RHEB: variants seen among roughly 807,000 people sequenced by gnomAD.
RHEB encodes the protein Ras homolog, mTORC1 binding.
Under a neutral mutation model 28.8 loss-of-function variants are expected in RHEB, and 2 were observed. The observed-to-expected ratio is 0.07, with a 90% CI of 0.03 to 0.22. The LOEUF is 0.22. Among genes scored for constraint, RHEB ranks in the 10% least tolerant of loss-of-function variants. The pLI is 1.00. For synonymous variants in RHEB, 69 were observed against 77.3 expected, an observed-to-expected ratio of 0.89 and a Z score of 0.56; for missense variants, 76 against 219.9, an observed-to-expected ratio of 0.35 and a Z score of 4.14.
rs1481454035 is a variant in RHEB, at chr7:151,519,720, C to G, written c.-209G>C. The G allele has an allele frequency of 2.8e-6, 1 of 358,876 alleles. No homozygotes were observed. The highest frequency in any genetic ancestry group is 5.0e-6 in the Non-Finnish European group (1 of 201,890). The allele number at this position is 358,876 out of a possible 1,614,324, so 22.2% of individuals were successfully genotyped here. ...GCGCCCCTCCCCCCCACAACACGCC[C>G]ACGTGACCGGCCGGCGTCAGCACCG... is the stretch of plus-strand genomic sequence containing the variant. On this transcript the variant is annotated 5_prime_UTR_variant, in exon 1 of 8. Transcript: ENST00000262187.
intron 1 of RHEB, chr7:151,517,924 G>A (rs1405138497): frequency 1.3e-5 from 2 of 152,192 alleles, no homozygotes; most frequent in Non-Finnish European, 2.9e-5. Context: ...CCAAGAGCCA[G>A]AACACCTCGC....
intron 2 of RHEB, among the ~76,000 whole-genome samples, chr7:151,488,284 C>T (rs1455553551): frequency 2.0e-5 from 3 of 152,226 alleles, no homozygotes; most frequent in East Asian, 1.9e-4. Flanking sequence ...TATTCTCCTA[C>T]ACCCCTACTG....
rs897482177 is a variant in RHEB, at chr7:151,472,805, C to T, written c.276-1200G>A. 1.0e-3 allele frequency among the ~76,000 whole-genome samples: 155 copies of T among 152,304 alleles called. 1 individual carries two copies. Among genetic ancestry groups the T allele is most frequent in the Non-Finnish European group, 4.4e-5 (3 of 68,032 alleles). On this transcript the variant is annotated intron_variant, in intron 4 of 7. Transcript: ENST00000262187. The surrounding 1 kb of genome is among the most constrained non-coding windows in gnomAD (Gnocchi z 5.2). ...GAATTACACACTGTGCTATTTTAAACGATGTGTGCTGTCATTTGATAAAAA... is the reference window on the plus strand; with the variant it reads ...GAATTACACACTGTGCTATTTTAAATGATGTGTGCTGTCATTTGATAAAAA...
chr7:151,482,276 G>A (rs890730100), intron 3 of RHEB, among the ~76,000 whole-genome samples: 4 of 152,132 alleles, frequency 2.6e-5, no homozygotes, highest in Non-Finnish European at 4.4e-5. Flanking sequence ...ATGGGATCTC[G>A]CTGTGTTGCC....
At chr7:151,501,684 G>A (rs747294302) in intron 1 of RHEB, among the ~76,000 whole-genome samples, 1 of 152,212 alleles carries the variant, frequency 6.6e-6, no homozygotes, top group Non-Finnish European at 1.5e-5. Context: ...GCCCCAAAGT[G>A]GAAACAAACC....
At chr7:151,473,982 G>A (rs999858604) in intron 4 of RHEB, among the ~76,000 whole-genome samples, 3 of 152,092 alleles carry the variant, frequency 2.0e-5, no homozygotes, top group South Asian at 2.1e-4. Flanking sequence ...CATCTCACTC[G>A]GAAGAAACCG....
At chr7:151,515,246 A>G (rs1458743813) in intron 1 of RHEB, among the ~76,000 whole-genome samples, 1 of 152,200 alleles carries the variant, frequency 6.6e-6, no homozygotes, top group Non-Finnish European at 1.5e-5. Flanking sequence ...CAGCCCCAGA[A>G]GACCACATAT....
At chr7:151,484,611 G>A in intron 3 of RHEB, 126 bp downstream of exon 3, 1 of 665,540 alleles carries the variant, frequency 1.5e-6, no homozygotes, top group South Asian at 1.9e-5. Flanking sequence ...ACCATTGGGA[G>A]TCAGGGACTG....
At chr7:151,507,848 G>A (rs951505886) in intron 1 of RHEB, among the ~76,000 whole-genome samples, 4 of 151,952 alleles carry the variant, frequency 2.6e-5, no homozygotes, top group African/African-American at 7.3e-5. Context: ...TAAGAAATAC[G>A]TTTAATTATA....
intron 2 of RHEB, among the ~76,000 whole-genome samples, chr7:151,490,727 G>T (rs1292903131): frequency 1.3e-5 from 2 of 152,200 alleles, no homozygotes; most frequent in Admixed American, 6.5e-5. Flanking sequence ...GACTCCTACT[G>T]ACTTGAATTA....
At position 151,466,479 on chromosome 7, in the gene RHEB, C is replaced by G. The variant is rs1191194614; in HGVS notation, c.*640G>C. On this transcript the variant is annotated 3_prime_UTR_variant, in exon 8 of 8. Transcript: ENST00000262187. ...AATTTCATCACTGGGGAGGAACTCC[C>G]CTCACAGACCCCCCAGGGCCACTCA... The G allele has an allele frequency of 6.6e-6, 1 of 152,520 alleles. No individual in the cohort carries two copies. Among genetic ancestry groups the G allele is most frequent in the Middle Eastern group, 3.2e-3 (1 of 316 alleles). 9.4% of individuals were successfully genotyped at this position (152,520 alleles called of 1,614,324 possible).
At chr7:151,493,706 G>T (rs550303972) in intron 1 of RHEB, among the ~76,000 whole-genome samples, 2 of 152,310 alleles carry the variant, frequency 1.3e-5, no homozygotes, top group East Asian at 3.9e-4. Flanking sequence ...GCTTGCCTGT[G>T]ATATAGGAAT....
chr7:151,478,199 C>T (rs531605229), intron 3 of RHEB, among the ~76,000 whole-genome samples: 13 of 152,066 alleles, frequency 8.5e-5, no homozygotes, highest in South Asian at 4.1e-4. Flanking sequence ...CTGTCTGGTA[C>T]GAACGTTTCA....
intron 1 of RHEB, among the ~76,000 whole-genome samples, chr7:151,491,581 A>G (rs868228499): frequency 6.6e-6 from 1 of 152,072 alleles, no homozygotes; most frequent in African/African-American, 2.4e-5. Flanking sequence ...ACTAAAATTA[A>G]CAAAAATTAG....
chr7:151,517,198 G>A (rs1327468053), intron 1 of RHEB, among the ~76,000 whole-genome samples: 3 of 151,968 alleles, frequency 2.0e-5, no homozygotes, highest in African/African-American at 7.2e-5. Context: ...GGTGAAACCC[G>A]TCTCTACTAA....
chr7:151,479,475 GATTC>G (rs2150923839), intron 3 of RHEB, among the ~76,000 whole-genome samples: 1 of 152,286 alleles, frequency 6.6e-6, no homozygotes, highest in East Asian at 1.9e-4. Flanking sequence ...AAGGTCAGGA[GATTC>G]ATATCATCCT....
chr7:151,515,672 G>A (rs971177891), intron 1 of RHEB, among the ~76,000 whole-genome samples: 1 of 152,190 alleles, frequency 6.6e-6, no homozygotes, highest in African/African-American at 2.4e-5. Flanking sequence ...TCAATAAAAA[G>A]TGTCAACAAA....
chr7:151,471,358 A>C (rs754548815), intron 6 of RHEB, 36 bp downstream of exon 6: 2 of 1,321,196 alleles, frequency 1.5e-6, no homozygotes, highest in Non-Finnish European at 2.2e-6. Flanking sequence ...TCAGTGACTA[A>C]ATCATCTTAG....
intron 1 of RHEB, among the ~76,000 whole-genome samples, chr7:151,504,472 T>C (rs1401091164): frequency 6.6e-6 from 1 of 152,178 alleles, no homozygotes; most frequent in East Asian, 1.9e-4. Flanking sequence ...TCCATACATG[T>C]GGGCTTTGCA....
Sources: gnomAD v4.1 joint callset for allele counts (sites outside exome capture counted in the v4.1 genomes callset) on GRCh38, gnomAD v4.1.1 for gene constraint, Gnocchi (gnomAD v3.1) non-coding constraint, MANE v1.5 for transcripts, NCBI Gene and HGNC (gene_info 2026-07-23, HGNC 2026-07-21) for gene names.